The following SLC12A7 variants were observed in gnomAD, a reference collection of about 807,000 sequenced individuals.
SLC12A7 encodes solute carrier family 12 member 7.
In SLC12A7, 100 loss-of-function variants were observed where a neutral mutation model predicts 120.6. The observed-to-expected ratio is 0.83, with a 90% CI of 0.71 to 0.98. The LOEUF is 0.98. Ranked by LOEUF, SLC12A7 falls within the 50% of genes least tolerant of loss-of-function variation. SLC12A7 has a pLI of 0.00. For synonymous variants in SLC12A7, 760 were observed against 678.0 expected, an observed-to-expected ratio of 1.12 and a Z score of -1.88; for missense variants, 1,373 against 1,548.1, an observed-to-expected ratio of 0.89 and a Z score of 1.90.
Position 1,052,300 on chromosome 5 carries a change from G to T in SLC12A7, c.*60C>A. 7.1e-7 allele frequency: 1 copy of T among 1,416,648 alleles called. No individual in the cohort carries two copies. The highest frequency in any genetic ancestry group is 1.0e-6 in the Non-Finnish European group (1 of 1,002,172). The allele number at this position is 1,416,648 out of a possible 1,614,324, so 87.8% of individuals were successfully genotyped here. A position where few individuals can be genotyped will look rare whatever the true frequency, so the allele number is the denominator to read the frequency against. ...GTCTGTTTCCCTGGGCCAAGCCCAG[G>T]CCCAGGCTGCCCACGCCGTCCTCCG... is the stretch of plus-strand genomic sequence containing the variant. On this transcript the variant is annotated 3_prime_UTR_variant, in exon 24 of 24. Coordinates refer to ENST00000264930, the MANE Select transcript of SLC12A7 (RefSeq NM_006598.3).
At position 1,076,717 on chromosome 5, in the gene SLC12A7, G is replaced by A. The variant is rs1391597781; in HGVS notation, c.1725C>T (p.Asp575=). The A allele has an allele frequency of 4.3e-6, 7 of 1,611,282 alleles. No homozygotes were observed. The highest frequency in any genetic ancestry group is 3.3e-5 in the Admixed American group (2 of 60,012). Residue 575 remains aspartate, a synonymous_variant, in exon 13 of 24, where the codon GAC becomes GAT. Coordinates refer to ENST00000264930, the MANE Select transcript of SLC12A7 (RefSeq NM_006598.3). ...ACATGGAGAGGATCGGGGCCACGCT[G>A]TCCAGAGAGGCGATGAGGATGCCAG... is the stretch of plus-strand genomic sequence containing the variant. ...CETGILIASL[D]SVAPILSMFF... is the part of the protein sequence containing the mutation.
intron 22 of SLC12A7, chr5:1,056,484 G>T: frequency 3.5e-6 from 2 of 571,318 alleles, no homozygotes; most frequent in Non-Finnish European, 4.4e-6. Context: ...GCAGGCACAG[G>T]CCTAGAACAC....
intron 22 of SLC12A7, among the ~76,000 whole-genome samples, chr5:1,053,931 A>C (rs1469786583): frequency 6.6e-6 from 1 of 152,246 alleles, no homozygotes; most frequent in African/African-American, 2.4e-5. Flanking sequence ...TGCCAAACAC[A>C]GACCCGTCAG....
the SLC12A7 span, among the ~76,000 whole-genome samples, chr5:1,141,207 TGTGA>T: frequency 6.6e-6 from 1 of 152,216 alleles, no homozygotes; most frequent in Non-Finnish European, 1.5e-5. Flanking sequence ...GTCCCTGCTC[TGTGA>T]GTGTCTATTT....
At chr5:1,059,632 G>T (rs1735977728) in intron 21 of SLC12A7, among the ~76,000 whole-genome samples, 1 of 152,186 alleles carries the variant, frequency 6.6e-6, no homozygotes, top group African/African-American at 2.4e-5. Context: ...TGGCCATGGG[G>T]CCCAGGCCAG....
intron 18 of SLC12A7, among the ~76,000 whole-genome samples, chr5:1,064,474 G>T (rs1445766174): frequency 6.6e-6 from 1 of 152,254 alleles, no homozygotes; most frequent in Non-Finnish European, 1.5e-5. Flanking sequence ...CCCCTGCGGG[G>T]CTCTGGGAGA....
chr5:1,090,469 C>G (rs531351647), intron 3 of SLC12A7, among the ~76,000 whole-genome samples: 1 of 152,274 alleles, frequency 6.6e-6, no homozygotes, highest in Admixed American at 6.5e-5. Flanking sequence ...CTGCTGGGCC[C>G]TCCAAATCTG....
At chr5:1,097,958 TA>T (rs1354985522) in intron 1 of SLC12A7, among the ~76,000 whole-genome samples, 1 of 151,938 alleles carries the variant, frequency 6.6e-6, no homozygotes, top group African/African-American at 2.4e-5. Flanking sequence ...TCTATCTGGT[TA>T]AAACAGCCAG....
At position 1,057,456 on chromosome 5, in the gene SLC12A7, C is replaced by G. The variant is rs75296832; in HGVS notation, c.3026+15G>C. On this transcript the variant is annotated intron_variant, in intron 22 of 23. Coordinates refer to ENST00000264930, the MANE Select transcript of SLC12A7 (RefSeq NM_006598.3). Reference sequence around the variant, plus strand: ...CAGGATCTGTTCCCCCCAGGCCACACGCACGGACACTCACGGCTTCATGCT... The same window carrying G: ...CAGGATCTGTTCCCCCCAGGCCACAGGCACGGACACTCACGGCTTCATGCT... The G allele has an allele frequency of 1.9e-6, 3 of 1,600,270 alleles. No homozygotes were observed. The highest frequency in any genetic ancestry group is 2.7e-5 in the African/African-American group (2 of 74,786).
chr5:1,085,379 C>A lies in SLC12A7; in HGVS notation c.770G>T (p.Cys257Phe), dbSNP rs1739719559. The A allele has an allele frequency of 6.2e-7, 1 of 1,612,032 alleles. No individual in the cohort carries two copies. The highest frequency in any genetic ancestry group is 8.5e-7 in the Non-Finnish European group (1 of 1,179,660). Residue 257 changes from cysteine (C) to phenylalanine (F), a missense_variant, in exon 7 of 24, where the codon TGC becomes TTC. By Grantham distance (205) the Cys-to-Phe change is radical. Transcript: ENST00000264930. The part of the protein sequence containing the change: ...MLHNMRVYGT[C>F]TLVLMALVVF... ...CACCAGGGCCATGAGCACGAGCGTG[C>A]ACGTGCCGTACACACGCATGTTGTG...
chr5:1,133,448 G>A, the SLC12A7 span, among the ~76,000 whole-genome samples: 22 of 152,198 alleles, frequency 1.4e-4, no homozygotes, highest in African/African-American at 5.1e-4. Flanking sequence ...CTGGGGGAGA[G>A]GGCTGGGTGA....
chr5:1,068,759 T>C (rs1326923217), intron 17 of SLC12A7, among the ~76,000 whole-genome samples: 1 of 152,242 alleles, frequency 6.6e-6, no homozygotes, highest in East Asian at 1.9e-4. Context: ...TGAGCTCCGT[T>C]AACGTGAGAG....
intron 1 of SLC12A7, among the ~76,000 whole-genome samples, chr5:1,100,212 C>G (rs369494034): frequency 1.3e-5 from 2 of 152,314 alleles, no homozygotes; most frequent in South Asian, 2.1e-4. Context: ...CCCTCACCCT[C>G]GGGCGGCACC....
the SLC12A7 span, among the ~76,000 whole-genome samples, chr5:1,142,242 A>T: frequency 7.0e-6 from 1 of 142,644 alleles, no homozygotes; most frequent in Non-Finnish European, 1.5e-5. Context: ...CCCCATAATC[A>T]GGAGGAAGAA....
At chr5:1,147,972 C>T in the SLC12A7 span, among the ~76,000 whole-genome samples, 2 of 152,014 alleles carry the variant, frequency 1.3e-5, no homozygotes, top group East Asian at 3.9e-4. Flanking sequence ...TGTAGGGAAA[C>T]AATTCCCCCA....
rs1377000139 is a variant in SLC12A7, at chr5:1,105,416, C to G, written c.124+6452G>C. On this transcript the variant is annotated intron_variant, in intron 1 of 23. Transcript: ENST00000264930. ...CCACCAGCCAAAAGGACCCTCCCCA[C>G]AGGGATGAGGTCCTGCAGTCACCCA... is the stretch of plus-strand genomic sequence containing the variant. 3.3e-5 allele frequency among the ~76,000 whole-genome samples: 5 copies of G among 152,150 alleles called. No individual in the cohort carries two copies. In the South Asian group the frequency reaches 1.0e-3, roughly 32 times the overall value.
intron 8 of SLC12A7, among the ~76,000 whole-genome samples, chr5:1,082,632 T>C (rs113883771): frequency 1.1e-5 from 1 of 89,110 alleles, no homozygotes; most frequent in African/African-American, 3.6e-5. Context: ...TTCTGGAAAG[T>C]CCGGGCTTCC....
At chr5:1,154,356 C>CACAT in the SLC12A7 span, among the ~76,000 whole-genome samples, 1 of 105,706 alleles carries the variant, frequency 9.5e-6, no homozygotes, top group African/African-American at 3.6e-5. Context: ...GTGTCCGCAA[C>CACAT]ACACACACAC....
At chr5:1,104,523 C>T (rs938433400) in intron 1 of SLC12A7, among the ~76,000 whole-genome samples, 1 of 152,180 alleles carries the variant, frequency 6.6e-6, no homozygotes, top group Admixed American at 6.5e-5. Context: ...CCATGGCCAG[C>T]CTTGGGCTCA....
Sources: gnomAD v4.1 joint callset for allele counts (sites outside exome capture counted in the v4.1 genomes callset) on GRCh38, gnomAD v4.1.1 for gene constraint, MANE v1.5 for transcripts, NCBI Gene and HGNC (gene_info 2026-07-23, HGNC 2026-07-21) for gene names.